Variants in NOTCH2NLC observed in about 807,000 individuals in gnomAD.
The protein encoded by NOTCH2NLC is notch 2 N-terminal like C.
A neutral mutation model predicts 17.7 loss-of-function variants in NOTCH2NLC; 4 were observed. That is an observed-to-expected ratio of 0.23 (90% CI 0.11 to 0.52). The LOEUF (loss-of-function observed/expected upper bound fraction) is 0.52. NOTCH2NLC is among the 20% of genes least tolerant of loss of function. The pLI, the probability that NOTCH2NLC is intolerant of heterozygous loss-of-function variation, is 0.96. For missense variants in NOTCH2NLC, 57 were observed against 207.2 expected (o/e 0.28, Z 4.45); for synonymous variants, 18 against 86.0 (o/e 0.21, Z 4.38).
intron 1 of NOTCH2NLC, chr1:149,409,224 C>T (rs1262042163): frequency 6.6e-6 from 1 of 150,912 alleles, no homozygotes; most frequent in East Asian, 2.1e-4. Flanking sequence ...ACATTCACTG[C>T]ATTAAAGGAA....
chr1:149,428,958 C>G (rs2084428130), intron 1 of NOTCH2NLC, among the ~76,000 whole-genome samples: 1 of 146,854 alleles, frequency 6.8e-6, no homozygotes, highest in Non-Finnish European at 1.5e-5. Context: ...ATAAAAGTGT[C>G]TAAAGAGAAT....
chr1:149,470,232 T>C lies in NOTCH2NLC; in HGVS notation c.*6079T>C, dbSNP rs2084708677. ...CATAAAAGGATTAGAGCAGACAATC[T>C]CTAACAAATGCTATAATACCACTGA... On this transcript the variant is annotated 3_prime_UTR_variant, in exon 5 of 5. Coordinates refer to ENST00000650865, the MANE Select transcript of NOTCH2NLC (RefSeq NM_001364013.2). 1.3e-5 allele frequency among the ~76,000 whole-genome samples: 2 copies of C among 151,256 alleles called. No homozygotes were observed. The highest frequency in any genetic ancestry group is 4.9e-5 in the African/African-American group (2 of 41,200).
rs2084683352 is a variant in NOTCH2NLC at position 149,466,277 on chromosome 1, G to GTGTGTATATATATATATATATATATA, written c.*2125_*2126insGTGTATATATATATATATATATATAT. On this transcript the variant is annotated 3_prime_UTR_variant, in exon 5 of 5. Coordinates refer to ENST00000650865, the MANE Select transcript of NOTCH2NLC (RefSeq NM_001364013.2). ...GTGTGTGTGTGTGTGTGTGTGTGTG[G>GTGTGTATATATATATATATATATATA]TATATATATATATATCGCATTGTGC... 7.0e-6 allele frequency: 1 copy of GTGTGTATATATATATATATATATATA among 142,464 alleles called. No homozygotes were observed. Among genetic ancestry groups the GTGTGTATATATATATATATATATATA allele is most frequent in the African/African-American group, 2.6e-5 (1 of 37,832 alleles). 8.8% of individuals were successfully genotyped at this position (142,464 alleles called of 1,614,324 possible). A position where few individuals can be genotyped will look rare whatever the true frequency, so the allele number is the denominator to read the frequency against.
In NOTCH2NLC at chr1:149,471,635, A is replaced by T. The variant is rs2101521169; in HGVS notation, c.*7482A>T. Among the ~76,000 whole-genome samples the T allele has an allele frequency of 6.7e-6, 1 of 150,034 alleles. No homozygotes were observed. Among genetic ancestry groups the T allele is most frequent in the South Asian group, 2.1e-4 (1 of 4,722 alleles). Reference sequence around the variant, plus strand: ...GAGACTGCAAGAAGTGGGGAATTGGAGAGTGACTGCCCATAGGTACAGGCA... The same window carrying T: ...GAGACTGCAAGAAGTGGGGAATTGGTGAGTGACTGCCCATAGGTACAGGCA... On this transcript the variant is annotated 3_prime_UTR_variant, in exon 5 of 5. Coordinates refer to ENST00000650865, the MANE Select transcript of NOTCH2NLC (RefSeq NM_001364013.2).
intron 1 of NOTCH2NLC, among the ~76,000 whole-genome samples, chr1:149,414,628 A>T (rs1281593280): frequency 6.6e-6 from 1 of 150,546 alleles, no homozygotes; most frequent in Non-Finnish European, 1.5e-5. Context: ...TGCATATGTT[A>T]ACTCTAAGTA....
intron 1 of NOTCH2NLC, among the ~76,000 whole-genome samples, chr1:149,409,312 C>G (rs2084285699): frequency 6.7e-6 from 1 of 148,218 alleles, no homozygotes; most frequent in Admixed American, 6.7e-5. Context: ...TGATTTAACT[C>G]TGTGTGTGTG....
At chr1:149,421,460 C>T in intron 1 of NOTCH2NLC, among the ~76,000 whole-genome samples, 1 of 140,230 alleles carries the variant, frequency 7.1e-6, no homozygotes. Flanking sequence ...GATTGCGCCA[C>T]TGCACTCCAG....
chr1:149,462,921 C>T lies in NOTCH2NLC; in HGVS notation c.470-570C>T, dbSNP rs1424318994. ...TACAATCTCGGCTCACTGCAACCTC[C>T]GCCTCCTGGGTTCAAGTGATTCTTC... is the stretch of plus-strand genomic sequence containing the variant. On this transcript the variant is annotated intron_variant, in intron 3 of 4. Transcript: ENST00000650865. 5.5e-5 allele frequency among the ~76,000 whole-genome samples: 8 copies of T among 144,946 alleles called. 1 individual carries two copies. The highest frequency in any genetic ancestry group is 9.2e-5 in the Non-Finnish European group (6 of 65,354).
intron 1 of NOTCH2NLC, among the ~76,000 whole-genome samples, chr1:149,395,852 C>A (rs1188801771): frequency 1.4e-5 from 2 of 147,522 alleles, no homozygotes; most frequent in Admixed American, 6.7e-5. Context: ...CCCTGAACAC[C>A]CTGCTGACAA....
At chr1:149,401,996 C>A (rs2084249031) in intron 1 of NOTCH2NLC, among the ~76,000 whole-genome samples, 1 of 140,122 alleles carries the variant, frequency 7.1e-6, no homozygotes, top group South Asian at 2.4e-4. Context: ...GGAAATGGAG[C>A]CTCACAGGGG....
At chr1:149,460,881 TTCTTTCTTTCTTTC>T (rs1245798327) in intron 3 of NOTCH2NLC, among the ~76,000 whole-genome samples, 1 of 127,968 alleles carries the variant, frequency 7.8e-6, no homozygotes, top group Non-Finnish European at 1.7e-5. Flanking sequence ...CTTTCTTTCT[TTCTTTCTTTCTTTC>T]TTTCTTTCTT....
intron 2 of NOTCH2NLC, among the ~76,000 whole-genome samples, chr1:149,433,320 C>A (rs1351270200): frequency 7.1e-6 from 1 of 139,928 alleles, no homozygotes; most frequent in African/African-American, 2.6e-5. Context: ...AGGATGAATA[C>A]CTAATGCACG....
In NOTCH2NLC at chr1:149,436,551, TGTG is replaced by T. The variant is rs1265200397; in HGVS notation, c.209+5540_209+5542del. Among the ~76,000 whole-genome samples, 545 of 66,674 alleles carry T rather than the reference TGTG, an allele frequency of 8.2e-3. 3 individuals are homozygous for T. The highest frequency in any genetic ancestry group is 0.013 in the Non-Finnish European group (441 of 34,892). The allele number at this position is 66,674 out of a possible 152,430, so 43.7% of individuals were successfully genotyped here. On this transcript the variant is annotated intron_variant, in intron 2 of 4. Transcript: ENST00000650865. ...GAGGATGCATTCGCAATGTTTCTGT[TGTG>T]GTGCTTCTCCCCCAAAAAGGCGTTT...
chr1:149,392,736 G>A (rs2084177776), intron 1 of NOTCH2NLC, among the ~76,000 whole-genome samples: 1 of 151,326 alleles, frequency 6.6e-6, no homozygotes, highest in African/African-American at 2.4e-5. Flanking sequence ...CTGCTTTAGA[G>A]AATTGTAGGG....
chr1:149,393,069 CAAAAAAAAAA>C (rs1158506660), intron 1 of NOTCH2NLC, among the ~76,000 whole-genome samples: 2 of 43,090 alleles, frequency 4.6e-5, no homozygotes, highest in African/African-American at 8.2e-5. Context: ...GACTCCGTCT[CAAAAAAAAAA>C]AAAAAAAAAA....
At chr1:149,462,139 A>T (rs1425736044) in intron 3 of NOTCH2NLC, among the ~76,000 whole-genome samples, 1 of 149,274 alleles carries the variant, frequency 6.7e-6, no homozygotes, top group African/African-American at 2.5e-5. Context: ...AATAATAATA[A>T]TAATAATAAT....
At chr1:149,426,576 C>CTTTTTTTTTTTTTTTTTTTT (rs1224339764) in intron 1 of NOTCH2NLC, among the ~76,000 whole-genome samples, 1 of 104,456 alleles carries the variant, frequency 9.6e-6, no homozygotes, top group East Asian at 3.6e-4. Context: ...TTCTTTTTGC[C>CTTTTTTTTTTTTTTTTTTTT]TTTTTTTTTT....
At chr1:149,460,903 CTTT>C (rs2084644946) in intron 3 of NOTCH2NLC, among the ~76,000 whole-genome samples, 2 of 108,270 alleles carry the variant, frequency 1.8e-5, no homozygotes, top group Non-Finnish European at 4.0e-5. Context: ...TTCTTTCTTT[CTTT>C]CTTTCTTTCT....
At position 149,464,935 on chromosome 1, in the gene NOTCH2NLC, G is replaced by T. The variant is rs1222641481; in HGVS notation, c.*782G>T. ...TATTTTGGAGGAATTAAAGGTCATA[G>T]TTTGGTCCTCAGTATAAAATCAACT... On this transcript the variant is annotated 3_prime_UTR_variant, in exon 5 of 5. Transcript: ENST00000650865. The T allele has an allele frequency of 6.8e-6, 1 of 146,634 alleles. No individual in the cohort carries two copies. Among genetic ancestry groups the T allele is most frequent in the African/African-American group, 2.5e-5 (1 of 39,996 alleles). The allele number at this position is 146,634 out of a possible 1,614,324, so 9.1% of individuals were successfully genotyped here.
Sources: allele counts gnomAD v4.1 joint callset (sites outside exome capture counted in the v4.1 genomes callset), GRCh38; gene constraint gnomAD v4.1.1; transcripts MANE v1.5; gene names NCBI Gene and HGNC (gene_info 2026-07-23, HGNC 2026-07-21).